Variants in HSPB8 observed in about 807,000 individuals in gnomAD.
HSPB8 encodes the protein heat shock protein beta-8.
HSPB8 carries 9 observed loss-of-function variants against 16.5 expected under a neutral mutation model. The observed-to-expected ratio is 0.55, with a 90% confidence interval of 0.33 to 0.95. The LOEUF is 0.95. Among genes scored for constraint, HSPB8 ranks in the 40% least tolerant of loss-of-function variants. The pLI, the probability that HSPB8 is intolerant of heterozygous loss-of-function variation, is 0.03. For synonymous variants in HSPB8, 99 were observed against 94.8 expected (o/e 1.04, Z -0.26); for missense variants, 238 against 251.2 (o/e 0.95, Z 0.35).
In HSPB8 at chr12:119,179,210, G is replaced by A; in HGVS notation, c.-103G>A. The A allele has an allele frequency of 1.6e-6, 2 of 1,236,392 alleles. No homozygotes were observed. Among genetic ancestry groups the A allele is most frequent in the African/African-American group, 3.0e-5 (2 of 67,646 alleles). The allele number at this position is 1,236,392 out of a possible 1,614,324, so 76.6% of individuals were successfully genotyped here. A position where few individuals can be genotyped will look rare whatever the true frequency, so the allele number is the denominator to read the frequency against. ...CTGCAGAAAAGCAGCATTTTCGGAA[G>A]CTGAAGAATAAGCTAGCCCAGCCAC... On this transcript the variant is annotated 5_prime_UTR_variant, in exon 1 of 3. Coordinates refer to ENST00000281938, the MANE Select transcript of HSPB8 (RefSeq NM_014365.3).
intron 2 of HSPB8, among the ~76,000 whole-genome samples, chr12:119,190,957 T>C (rs553103810): frequency 6.6e-6 from 1 of 152,294 alleles, no homozygotes; most frequent in Admixed American, 6.5e-5. Flanking sequence ...TAAATACAAG[T>C]CACTTGGTTA....
chr12:119,188,077 C>T (rs925311578), intron 2 of HSPB8, among the ~76,000 whole-genome samples: 32 of 152,200 alleles, frequency 2.1e-4, no homozygotes, highest in South Asian at 8.3e-4. Flanking sequence ...AAAGCCACCA[C>T]GAGCCCCTAG....
At chr12:119,192,559 G>A (rs1451270076) in intron 2 of HSPB8, among the ~76,000 whole-genome samples, 2 of 152,054 alleles carry the variant, frequency 1.3e-5, no homozygotes, top group Non-Finnish European at 2.9e-5. Context: ...GGAGGCTGAG[G>A]CAGGAGAATT....
chr12:119,187,409 C>T (rs1241853833), intron 2 of HSPB8, among the ~76,000 whole-genome samples: 2 of 152,128 alleles, frequency 1.3e-5, no homozygotes, highest in Non-Finnish European at 2.9e-5. Context: ...GTCTGGAGTG[C>T]AGCGGTGTGA....
chr12:119,192,845 G>A (rs1029813551), intron 2 of HSPB8, among the ~76,000 whole-genome samples: 2 of 152,064 alleles, frequency 1.3e-5, no homozygotes, highest in African/African-American at 2.4e-5. Flanking sequence ...TGAAAGGCAC[G>A]TCTTACATGG....
At position 119,179,555 on chromosome 12, in the gene HSPB8, G is replaced by C. The variant is rs753025813; in HGVS notation, c.243G>C (p.Val81=). The part of the protein sequence containing the change: ...RGPTATARFG[V]PAEGRTPPPF... ...CCACTGCCACCGCCAGGTTTGGGGTGCCTGCCGAGGGCAGGACCCCCCCAC... is the reference window on the plus strand; with the variant it reads ...CCACTGCCACCGCCAGGTTTGGGGTCCCTGCCGAGGGCAGGACCCCCCCAC... The change falls in exon 1 of 3, where the codon GTG becomes GTC. Residue 81 remains valine (V), a synonymous_variant. Transcript: ENST00000281938. 3 of 1,613,494 alleles carry C rather than the reference G, an allele frequency of 1.9e-6. No homozygotes were observed. Among genetic ancestry groups the C allele is most frequent in the Non-Finnish European group, 2.5e-6 (3 of 1,179,680 alleles).
At chr12:119,188,102 A>G (rs1414358430) in intron 2 of HSPB8, among the ~76,000 whole-genome samples, 1 of 152,160 alleles carries the variant, frequency 6.6e-6, no homozygotes, top group East Asian at 1.9e-4. Flanking sequence ...CAGTACCTAT[A>G]GGGAGCAGAG....
At chr12:119,186,315 G>C (rs1954675370) in intron 1 of HSPB8, among the ~76,000 whole-genome samples, 1 of 152,168 alleles carries the variant, frequency 6.6e-6, no homozygotes, top group Non-Finnish European at 1.5e-5. Flanking sequence ...CTTTTTCCAG[G>C]CTGTGCTTTC....
At chr12:119,186,546 G>T (rs1954677215) in intron 1 of HSPB8, among the ~76,000 whole-genome samples, 1 of 152,112 alleles carries the variant, frequency 6.6e-6, no homozygotes, top group Non-Finnish European at 1.5e-5. Context: ...TGGGCTCAGA[G>T]TTAGGAAAGC....
At position 119,194,298 on chromosome 12, in the gene HSPB8, C is replaced by G. The variant is rs13378054; in HGVS notation, c.*440C>G. The G allele has an allele frequency of 0.024, 6,523 of 273,304 alleles. 481 individuals carry two copies. The highest frequency in any genetic ancestry group is 0.14 in the African/African-American group (6,160 of 44,928). The allele number at this position is 273,304 out of a possible 1,614,324, so 16.9% of individuals were successfully genotyped here. On this transcript the variant is annotated 3_prime_UTR_variant, in exon 3 of 3. Coordinates refer to ENST00000281938, the MANE Select transcript of HSPB8 (RefSeq NM_014365.3). ...GCCGCATGGTTTGGTTAATGAAACCCAGTAGCTAACCCCACTGTGCTTCCA... is the reference window on the plus strand; with the variant it reads ...GCCGCATGGTTTGGTTAATGAAACCGAGTAGCTAACCCCACTGTGCTTCCA...
chr12:119,192,097 G>A (rs1803439058), intron 2 of HSPB8, among the ~76,000 whole-genome samples: 1 of 152,144 alleles, frequency 6.6e-6, no homozygotes, highest in African/African-American at 2.4e-5. Flanking sequence ...TGTCCTCACA[G>A]TTTTAATAGT....
At chr12:119,191,384 T>C (rs1183538345) in intron 2 of HSPB8, among the ~76,000 whole-genome samples, 1 of 152,068 alleles carries the variant, frequency 6.6e-6, no homozygotes, top group African/African-American at 2.4e-5. Flanking sequence ...AGTCAGCCCA[T>C]CCCCAGCATT....
At chr12:119,182,185 A>G (rs1261051709) in intron 1 of HSPB8, 2 of 152,216 alleles carry the variant, frequency 1.3e-5, no homozygotes, top group Admixed American at 1.3e-4. Flanking sequence ...CACGTCTGTA[A>G]AATGGGGTCA....
intron 2 of HSPB8, among the ~76,000 whole-genome samples, chr12:119,187,462 C>T (rs889818057): frequency 6.6e-6 from 1 of 152,154 alleles, no homozygotes; most frequent in African/African-American, 2.4e-5. Context: ...TCAAGCGGTC[C>T]GTGTGCCTCA....
At chr12:119,182,264 T>G (rs1255945156) in intron 1 of HSPB8, 2 of 152,060 alleles carry the variant, frequency 1.3e-5, no homozygotes, top group East Asian at 3.9e-4. Flanking sequence ...CTAGACAAAA[T>G]CCAAATTCCC....
chr12:119,188,925 G>A (rs1350133174), intron 2 of HSPB8, among the ~76,000 whole-genome samples: 2 of 152,186 alleles, frequency 1.3e-5, no homozygotes, highest in Non-Finnish European at 2.9e-5. Context: ...GAAATTCTGT[G>A]TGTGGAGAGA....
At position 119,179,367 on chromosome 12, in the gene HSPB8, GACCCCTTCCGGGA is replaced by G; in HGVS notation, c.56_68del (p.Asp19AlafsTer22). On this transcript the variant is annotated frameshift_variant, in exon 1 of 3. Coordinates refer to ENST00000281938, the MANE Select transcript of HSPB8 (RefSeq NM_014365.3). LOFTEE classifies it high-confidence loss of function. ...CCACTACCCAAGCCGCCTGCGCCGAGACCCCTTCCGGGACTCTCCCCTCTCCTCTCGCCTGCTG... is the reference window on the plus strand; with the variant it reads ...CCACTACCCAAGCCGCCTGCGCCGAGCTCTCCCCTCTCCTCTCGCCTGCTG... 1 of 1,614,122 alleles carries G rather than the reference GACCCCTTCCGGGA, an allele frequency of 6.2e-7. No individual in the cohort carries two copies. Among genetic ancestry groups the G allele is most frequent in the Non-Finnish European group, 8.5e-7 (1 of 1,180,024 alleles).
At chr12:119,183,563 T>A (rs945720802) in intron 1 of HSPB8, among the ~76,000 whole-genome samples, 1 of 152,390 alleles carries the variant, frequency 6.6e-6, no homozygotes, top group Middle Eastern at 3.4e-3. Context: ...AGCCTCTGGA[T>A]GTATTTCTAA....
intron 2 of HSPB8, among the ~76,000 whole-genome samples, chr12:119,189,460 T>C (rs1954698545): frequency 1.3e-5 from 2 of 152,078 alleles, no homozygotes; most frequent in Non-Finnish European, 2.9e-5. Flanking sequence ...TGTTAAAATA[T>C]TCAGTGGTCC....
Sources: gnomAD v4.1 joint callset for allele counts (sites outside exome capture counted in the v4.1 genomes callset) on GRCh38, gnomAD v4.1.1 for gene constraint, MANE v1.5 for transcripts, NCBI Gene and HGNC (gene_info 2026-07-23, HGNC 2026-07-21) for gene names.